Variants in PRKN observed in about 807,000 individuals in gnomAD.
The protein encoded by PRKN is E3 ubiquitin-protein ligase parkin.
PRKN carries 56 observed loss-of-function variants against 59.5 expected under a neutral mutation model. The observed-to-expected ratio is 0.94, with a 90% CI of 0.76 to 1.18. PRKN has a LOEUF of 1.18. Among genes scored for constraint, PRKN ranks in the 50% most tolerant of loss-of-function variants. PRKN has a pLI of 0.00. For missense variants in PRKN, 657 were observed against 596.4 expected, an observed-to-expected ratio of 1.10 and a Z score of -1.06; for synonymous variants, 250 against 222.1, an observed-to-expected ratio of 1.13 and a Z score of -1.12.
At chr6:162,611,994 G>C (rs578032839) in intron 1 of PRKN, among the ~76,000 whole-genome samples, 2 of 151,266 alleles carry the variant, frequency 1.3e-5, no homozygotes, top group Non-Finnish European at 2.9e-5. Context: ...GACCATCCTG[G>C]CTAACACGGT....
chr6:162,638,209 TG>T (rs1562458694), intron 1 of PRKN, among the ~76,000 whole-genome samples: 8 of 151,904 alleles, frequency 5.3e-5, no homozygotes, highest in Non-Finnish European at 1.2e-4. Flanking sequence ...ATTATCCCTA[TG>T]TTTATTACTA....
At chr6:162,092,162 T>C (rs993272627) in intron 4 of PRKN, among the ~76,000 whole-genome samples, 18 of 152,008 alleles carry the variant, frequency 1.2e-4, no homozygotes, top group African/African-American at 3.6e-4. Flanking sequence ...TGAGACCAGA[T>C]TGCCAACATG....
rs926847462 is a variant in PRKN, at chr6:162,310,756, T to G, written c.172-47991A>C. On this transcript the variant is annotated intron_variant, in intron 2 of 11. Coordinates refer to ENST00000366898, the MANE Select transcript of PRKN (RefSeq NM_004562.3). ...ACTTAAATTATAATAAAAATATATA[T>G]ATATAAAAAAAAGCAGCAATGGGAG... Among the ~76,000 whole-genome samples the G allele has an allele frequency of 1.8e-4, 11 of 59,866 alleles. No homozygotes were observed. The African/African-American group carries it at 2.2e-3, about 12-fold the overall frequency. 39.3% of individuals were successfully genotyped at this position (59,866 alleles called of 152,430 possible).
At chr6:161,694,775 C>G (rs1411166387) in intron 7 of PRKN, among the ~76,000 whole-genome samples, 2 of 151,882 alleles carry the variant, frequency 1.3e-5, no homozygotes, top group African/African-American at 4.9e-5. Flanking sequence ...ATGAGGATGA[C>G]AGTTACAGAT....
At position 161,912,296 on chromosome 6, in the gene PRKN, C is replaced by T. The variant is rs925545281; in HGVS notation, c.734+61006G>A. Among the ~76,000 whole-genome samples the T allele has an allele frequency of 3.9e-5, 6 of 152,042 alleles. No individual in the cohort carries two copies. The East Asian group carries it at 9.7e-4, about 24-fold the overall frequency. On this transcript the variant is annotated intron_variant, in intron 6 of 11. Coordinates refer to ENST00000366898, the MANE Select transcript of PRKN (RefSeq NM_004562.3). ...GTAGTAGGTGCAAACCTCTGACTACCAATAAAATGTTTAAACTATTTCTAT... is the reference window on the plus strand; with the variant it reads ...GTAGTAGGTGCAAACCTCTGACTACTAATAAAATGTTTAAACTATTTCTAT...
At chr6:161,912,573 C>A (rs1300776915) in intron 6 of PRKN, among the ~76,000 whole-genome samples, 2 of 152,022 alleles carry the variant, frequency 1.3e-5, no homozygotes, top group Non-Finnish European at 2.9e-5. Context: ...AAGAACACAG[C>A]ACGTGGAGAG....
chr6:161,969,307 A>C (rs575258724), intron 6 of PRKN, among the ~76,000 whole-genome samples: 8 of 151,410 alleles, frequency 5.3e-5, no homozygotes, highest in African/African-American at 1.9e-4. Context: ...AAATGCTCAA[A>C]AGTGGGGAAA....
intron 1 of PRKN, among the ~76,000 whole-genome samples, chr6:162,458,110 C>T (rs1790971928): frequency 1.3e-5 from 2 of 151,336 alleles, no homozygotes; most frequent in African/African-American, 2.4e-5. Flanking sequence ...AAAAATTAGC[C>T]AGGCGTGGTG....
intron 2 of PRKN, among the ~76,000 whole-genome samples, chr6:162,430,149 T>C (rs371130826): frequency 7.2e-6 from 1 of 138,100 alleles, no homozygotes; most frequent in Non-Finnish European, 1.5e-5. Flanking sequence ...ACTTTGATGA[T>C]GATGACGATG....
chr6:162,045,262 C>A lies in PRKN; in HGVS notation c.618+8829G>T, dbSNP rs539866399. 2.6e-5 allele frequency among the ~76,000 whole-genome samples: 4 copies of A among 152,236 alleles called. No homozygotes were observed. In the East Asian group the frequency reaches 7.7e-4, roughly 29 times the overall value. On this transcript the variant is annotated intron_variant, in intron 5 of 11. Coordinates refer to ENST00000366898, the MANE Select transcript of PRKN (RefSeq NM_004562.3). ...CTACATTTCTTTCAATGGAAAGATG[C>A]AAATTTTAAAAACGATCTTTTGCTT...
chr6:162,530,389 G>A (rs1778462959), intron 1 of PRKN, among the ~76,000 whole-genome samples: 1 of 152,144 alleles, frequency 6.6e-6, no homozygotes, highest in African/African-American at 2.4e-5. Flanking sequence ...ATAGTCAGAA[G>A]TCAAAGCCAC....
intron 6 of PRKN, among the ~76,000 whole-genome samples, chr6:161,882,854 A>G (rs1206232673): frequency 6.6e-6 from 1 of 151,630 alleles, no homozygotes; most frequent in Non-Finnish European, 1.5e-5. Context: ...AAAATACAAA[A>G]ATTAGCTGGG....
intron 1 of PRKN, among the ~76,000 whole-genome samples, chr6:162,611,923 C>T (rs185519524): frequency 1.2e-4 from 19 of 152,076 alleles, no homozygotes; most frequent in South Asian, 4.1e-4. Context: ...TGGTGGCTCA[C>T]GCCTGTAATC....
intron 10 of PRKN, among the ~76,000 whole-genome samples, chr6:161,383,594 C>T (rs939974849): frequency 2.0e-5 from 3 of 152,292 alleles, no homozygotes; most frequent in East Asian, 3.9e-4. Context: ...CTGGATGCTC[C>T]GTGATGACAC....
At chr6:161,482,625 A>T (rs1396458191) in intron 9 of PRKN, among the ~76,000 whole-genome samples, 1 of 152,244 alleles carries the variant, frequency 6.6e-6, no homozygotes, top group East Asian at 1.9e-4. Context: ...GCAGGGAAGC[A>T]TGAAGAATGC....
At chr6:161,856,361 A>AAAATAAAGAAATAAATAAATAAATAAAT (rs76955526) in intron 6 of PRKN, among the ~76,000 whole-genome samples, 146 of 149,460 alleles carry the variant, frequency 9.8e-4, no homozygotes, top group African/African-American at 3.4e-3. Flanking sequence ...ATGCCATCTC[A>AAAATAAAGAAATAAATAAATAAATAAAT]AAATAAATAA....
intron 6 of PRKN, among the ~76,000 whole-genome samples, chr6:161,966,742 A>C (rs1231644622): frequency 6.6e-6 from 1 of 152,272 alleles, no homozygotes; most frequent in African/African-American, 2.4e-5. Context: ...GATGGCCAGA[A>C]GGGAACCTGC....
chr6:162,180,134 T>C (rs1783733747), intron 4 of PRKN, among the ~76,000 whole-genome samples: 1 of 152,098 alleles, frequency 6.6e-6, no homozygotes, highest in Non-Finnish European at 1.5e-5. Flanking sequence ...CTTATTGTAA[T>C]TCTCTGTGAA....
intron 1 of PRKN, among the ~76,000 whole-genome samples, chr6:162,563,961 G>A (rs1309003971): frequency 2.7e-5 from 4 of 146,718 alleles, no homozygotes; most frequent in African/African-American, 9.9e-5. Context: ...CAGACTATTT[G>A]AAAATACAGA....
Sources: gnomAD v4.1 joint callset for allele counts (sites outside exome capture counted in the v4.1 genomes callset) on GRCh38, gnomAD v4.1.1 for gene constraint, MANE v1.5 for transcripts, NCBI Gene and HGNC (gene_info 2026-07-23, HGNC 2026-07-21) for gene names.